TOM1L1: variants seen among roughly 807,000 people sequenced by gnomAD.
The protein encoded by TOM1L1 is TOM1-like protein 1.
A neutral mutation model predicts 63.4 loss-of-function variants in TOM1L1; 64 were observed. The ratio of observed to expected loss-of-function variants is 1.01; its 90% CI spans 0.83 to 1.24. The LOEUF is 1.24. Among genes scored for constraint, TOM1L1 ranks in the 50% most tolerant of loss-of-function variants. TOM1L1 has a pLI of 0.00. For synonymous variants in TOM1L1, 166 were observed against 194.4 expected, an observed-to-expected ratio of 0.85 and a Z score of 1.22; for missense variants, 536 against 567.0, an observed-to-expected ratio of 0.95 and a Z score of 0.55.
At position 54,906,531 on chromosome 17, in the gene TOM1L1, G is replaced by C. The variant is rs563925810; in HGVS notation, c.222+964G>C. 2.6e-5 allele frequency among the ~76,000 whole-genome samples: 4 copies of C among 151,902 alleles called. No individual in the cohort carries two copies. In the East Asian group the frequency reaches 7.7e-4, roughly 29 times the overall value. On this transcript the variant is annotated intron_variant, in intron 3 of 15. Coordinates refer to ENST00000575882, the MANE Select transcript of TOM1L1 (RefSeq NM_005486.3). ...ATTAATTAACCATAATTTAAGATGA[G>C]GAGAATTGAAATTTTGAAAAATACC...
At position 54,939,020 on chromosome 17, in the gene TOM1L1, C is replaced by T. The variant is rs115766743; in HGVS notation, c.1130C>T (p.Pro377Leu). 1,761 of 1,581,054 alleles carry T rather than the reference C, an allele frequency of 1.1e-3. 21 individuals are homozygous for T. The African/African-American group carries it at 0.02, about 18-fold the overall frequency. The change falls in exon 11 of 16, where the codon CCG becomes CTG. Residue 377 changes from proline (P) to leucine (L), a missense_variant and splice_region_variant. By Grantham distance (98) the Pro-to-Leu change is moderately conservative (BLOSUM62 -3). Coordinates refer to ENST00000575882, the MANE Select transcript of TOM1L1 (RefSeq NM_005486.3). ...GCCTTGGAGAATACAGAGATACCCC[C>T]GTAAGTATGTCAGTAACACTGCAGA... ...LLALENTEIPPFAQRTSQNLT... is the reference protein window; with the variant it reads ...LLALENTEIPLFAQRTSQNLT...
intron 4 of TOM1L1, among the ~76,000 whole-genome samples, chr17:54,913,021 CCT>C (rs1230468164): frequency 2.0e-5 from 3 of 152,138 alleles, no homozygotes; most frequent in Non-Finnish European, 4.4e-5. Flanking sequence ...TCCCTGCTTT[CCT>C]CTCAGTTTCT....
At chr17:54,933,478 G>A (rs1037170872) in intron 8 of TOM1L1, among the ~76,000 whole-genome samples, 34 of 152,234 alleles carry the variant, frequency 2.2e-4, no homozygotes, top group Non-Finnish European at 4.1e-4. Context: ...GCCACAGGAG[G>A]TCCTGACAAC....
At chr17:54,932,168 A>G (rs960843629) in intron 8 of TOM1L1, among the ~76,000 whole-genome samples, 3 of 152,094 alleles carry the variant, frequency 2.0e-5, no homozygotes, top group African/African-American at 2.4e-5. Context: ...AGACTCCTGT[A>G]TCAAGAGCCG....
intron 11 of TOM1L1, among the ~76,000 whole-genome samples, chr17:54,939,482 A>G (rs1336728954): frequency 6.6e-6 from 1 of 152,206 alleles, no homozygotes; most frequent in Non-Finnish European, 1.5e-5. Context: ...TGGCCCCATC[A>G]GTTACAGGGT....
At chr17:54,932,193 G>T (rs1220806118) in intron 8 of TOM1L1, among the ~76,000 whole-genome samples, 1 of 152,106 alleles carries the variant, frequency 6.6e-6, no homozygotes, top group East Asian at 1.9e-4. Context: ...CCCCGAGTGA[G>T]CAATTCCTGT....
At chr17:54,914,881 A>G (rs994326408) in intron 6 of TOM1L1, 138 bp downstream of exon 6, 2 of 723,114 alleles carry the variant, frequency 2.8e-6, no homozygotes, top group African/African-American at 3.5e-5. Context: ...GAGGCTTAGT[A>G]ATACTATGTG....
chr17:54,945,960 A>T (rs926353087), intron 11 of TOM1L1, among the ~76,000 whole-genome samples: 1 of 152,068 alleles, frequency 6.6e-6, no homozygotes, highest in Non-Finnish European at 1.5e-5. Context: ...GACATTTTTA[A>T]TGTTTTATTA....
intron 7 of TOM1L1, among the ~76,000 whole-genome samples, chr17:54,922,913 C>T (rs906382601): frequency 1.1e-4 from 16 of 152,172 alleles, no homozygotes; most frequent in African/African-American, 3.9e-4. Context: ...CTCCTTTCTG[C>T]CTTTCATCAG....
chr17:54,947,817 T>C (rs1372090339), intron 12 of TOM1L1, among the ~76,000 whole-genome samples: 1 of 152,250 alleles, frequency 6.6e-6, no homozygotes, highest in Non-Finnish European at 1.5e-5. Flanking sequence ...TTCATTCCTC[T>C]GTGGTCTTTT....
At chr17:54,926,083 A>T (rs1251984502) in intron 7 of TOM1L1, among the ~76,000 whole-genome samples, 3 of 152,202 alleles carry the variant, frequency 2.0e-5, no homozygotes. Context: ...CCACCAACCC[A>T]CACTGAACAA....
intron 7 of TOM1L1, among the ~76,000 whole-genome samples, chr17:54,924,867 T>C (rs1411728299): frequency 6.6e-6 from 1 of 152,244 alleles, no homozygotes; most frequent in Non-Finnish European, 1.5e-5. Flanking sequence ...TTCAATTTGA[T>C]GGCTGGTTGT....
chr17:54,905,529 AAAAACTACAATCAT>A lies in TOM1L1; in HGVS notation c.188_201del (p.Asn63ArgfsTer10). ...GAAAGCTTTGAAGAAAAGGATTTCC[AAAAACTACAATCAT>A]AAAGAAATCCAACTTACCTTGTCAG... On this transcript the variant is annotated frameshift_variant, in exon 3 of 16. Coordinates refer to ENST00000575882, the MANE Select transcript of TOM1L1 (RefSeq NM_005486.3). LOFTEE classifies it high-confidence loss of function. The A allele has an allele frequency of 6.2e-7, 1 of 1,612,038 alleles. No homozygotes were observed. Among genetic ancestry groups the A allele is most frequent in the Non-Finnish European group, 8.5e-7 (1 of 1,178,716 alleles).
rs542043387 is a variant in TOM1L1 at position 54,915,174 on chromosome 17, A to G, written c.603+431A>G. On this transcript the variant is annotated intron_variant, in intron 6 of 15. Coordinates refer to ENST00000575882, the MANE Select transcript of TOM1L1 (RefSeq NM_005486.3). ...TATCAGTTTATCCAAGGTACCGATA[A>G]ACAATTATTATATGAGGCTAATTTC... Among the ~76,000 whole-genome samples the G allele has an allele frequency of 1.4e-3, 213 of 152,338 alleles. 7 individuals carry two copies. In the South Asian group the frequency reaches 0.043, roughly 31 times the overall value.
chr17:54,958,008 G>A (rs1029533527), intron 14 of TOM1L1: 3 of 152,166 alleles, frequency 2.0e-5, no homozygotes, highest in African/African-American at 7.2e-5. Flanking sequence ...AAAGCTTCAG[G>A]TAGCATTAAT....
intron 3 of TOM1L1, among the ~76,000 whole-genome samples, chr17:54,910,235 C>T (rs915748360): frequency 6.6e-6 from 1 of 152,170 alleles, no homozygotes; most frequent in African/African-American, 2.4e-5. Flanking sequence ...GTGGATGGAT[C>T]ACTTGAGGCT....
chr17:54,906,849 G>A, intron 3 of TOM1L1: 1 of 978,008 alleles, frequency 1.0e-6, no homozygotes, highest in Non-Finnish European at 1.2e-6. Flanking sequence ...AGAGTGAGCT[G>A]TGTAGCTTTC....
intron 1 of TOM1L1, among the ~76,000 whole-genome samples, chr17:54,901,787 C>T (rs942819647): frequency 6.6e-6 from 1 of 152,098 alleles, no homozygotes; most frequent in Admixed American, 6.5e-5. Context: ...TAGATCACAG[C>T]TCTACTAACT....
At chr17:54,905,776 A>C (rs570439789) in intron 3 of TOM1L1, among the ~76,000 whole-genome samples, 1 of 152,336 alleles carries the variant, frequency 6.6e-6, no homozygotes, top group Admixed American at 6.5e-5. Flanking sequence ...AATAGCATTT[A>C]ATTTCATGGA....
Sources: allele counts gnomAD v4.1 joint callset (sites outside exome capture counted in the v4.1 genomes callset), GRCh38; gene constraint gnomAD v4.1.1; transcripts MANE v1.5; gene names NCBI Gene and HGNC (gene_info 2026-07-23, HGNC 2026-07-21).